Variants in LYST observed in about 807,000 individuals in gnomAD.
LYST encodes the protein lysosomal trafficking regulator, also known as lysosomal-trafficking regulator.
In LYST, 192 loss-of-function variants were observed where a neutral mutation model predicts 413.6. That is an observed-to-expected ratio of 0.46 (90% CI 0.41 to 0.52). LYST has a LOEUF of 0.52. Ranked by LOEUF, LYST falls within the 20% of genes least tolerant of loss-of-function variation. LYST has a pLI of 0.00. For missense variants in LYST, 3,815 were observed against 4,499.9 expected, an observed-to-expected ratio of 0.85 and a Z score of 4.35; for synonymous variants, 1,525 against 1,567.3, an observed-to-expected ratio of 0.97 and a Z score of 0.64.
chr1:235,838,004 A>C (rs1322643060), intron 1 of LYST, among the ~76,000 whole-genome samples: 3 of 152,238 alleles, frequency 2.0e-5, no homozygotes, highest in African/African-American at 4.8e-5. Context: ...AAAACGAAGA[A>C]GACCAACATA....
chr1:235,863,086 A>C (rs1369439626), intron 1 of LYST, among the ~76,000 whole-genome samples: 1 of 152,078 alleles, frequency 6.6e-6, no homozygotes, highest in East Asian at 1.9e-4. Context: ...ATAACATTTT[A>C]GGGCTTAAAA....
At chr1:235,692,071 G>A (rs935105296) in intron 47 of LYST, among the ~76,000 whole-genome samples, 5 of 149,684 alleles carry the variant, frequency 3.3e-5, no homozygotes, top group Non-Finnish European at 7.4e-5. Context: ...AGTGGCTCAC[G>A]CATGTAATCC....
In LYST at chr1:235,798,576, C is replaced by CTTA. The variant is rs1558261064; in HGVS notation, c.4006+1743_4006+1744insTAA. 7.7e-4 allele frequency among the ~76,000 whole-genome samples: 19 copies of CTTA among 24,546 alleles called. 1 individual carries two copies. Among genetic ancestry groups the CTTA allele is most frequent in the African/African-American group, 2.3e-3 (17 of 7,328 alleles). 16.1% of individuals were successfully genotyped at this position (24,546 alleles called of 152,430 possible). ...CTTGGCGACAAGGGCAAAACCCTGT[C>CTTA]ATAAAAAAAAAAAAAAAAAAAAAAA... On this transcript the variant is annotated intron_variant, in intron 10 of 52. Transcript: ENST00000389793.
intron 47 of LYST, among the ~76,000 whole-genome samples, chr1:235,688,214 T>A (rs1660365271): frequency 6.6e-6 from 1 of 152,234 alleles, no homozygotes; most frequent in Non-Finnish European, 1.5e-5. Flanking sequence ...CAACCTAAGT[T>A]ACATTACAAG....
At chr1:235,874,757 T>G (rs1383954798) in intron 1 of LYST, among the ~76,000 whole-genome samples, 1 of 152,208 alleles carries the variant, frequency 6.6e-6, no homozygotes, top group Non-Finnish European at 1.5e-5. Flanking sequence ...ACCAATCAGT[T>G]GACAATAAAG....
intron 46 of LYST, among the ~76,000 whole-genome samples, chr1:235,696,655 T>C (rs1286910527): frequency 6.6e-6 from 1 of 152,250 alleles, no homozygotes; most frequent in Admixed American, 6.5e-5. Context: ...AGAAAAGGAT[T>C]GGTTTTCAGG....
intron 1 of LYST, 71 bp downstream of exon 1, chr1:235,866,772 C>G (rs1468870355): frequency 6.6e-6 from 1 of 152,292 alleles, no homozygotes; most frequent in African/African-American, 2.4e-5. Context: ...CGCCTCCCCT[C>G]CAGGCCACGC....
intron 38 of LYST, among the ~76,000 whole-genome samples, chr1:235,726,462 G>A (rs1026993113): frequency 6.6e-6 from 1 of 151,862 alleles, no homozygotes; most frequent in Non-Finnish European, 1.5e-5. Context: ...ACATCTATGC[G>A]CAAGGTACTC....
chr1:235,753,346 G>C (rs556032723), intron 25 of LYST, 72 bp from the exon 26 acceptor site: 13 of 920,846 alleles, frequency 1.4e-5, no homozygotes, highest in Non-Finnish European at 2.3e-5. Flanking sequence ...AGCAACTATG[G>C]GTCATCTTGC....
rs111415763 is a variant in LYST at position 235,858,429 on chromosome 1, C to T, written c.-98+8414G>A. 9.8e-3 allele frequency among the ~76,000 whole-genome samples: 1,494 copies of T among 152,250 alleles called. 37 individuals carry two copies. Among genetic ancestry groups the T allele is most frequent in the African/African-American group, 0.032 (1,348 of 41,534 alleles). Reference sequence around the variant, plus strand: ...TTATAATTAGCACTATTAATCTTGGCTATCCACCCATCATTGGTCATTCTT... The same window carrying T: ...TTATAATTAGCACTATTAATCTTGGTTATCCACCCATCATTGGTCATTCTT... On this transcript the variant is annotated intron_variant, in intron 1 of 52. Transcript: ENST00000389793.
chr1:235,675,444 T>C (rs1057423982), intron 50 of LYST, among the ~76,000 whole-genome samples: 2 of 152,196 alleles, frequency 1.3e-5, no homozygotes, highest in African/African-American at 2.4e-5. Context: ...ATCTCCTTTT[T>C]TCGGTGTGCT....
chr1:235,738,925 A>T lies in LYST; in HGVS notation c.8358+2497T>A, dbSNP rs777445628. ...GTGAAGGTGACTCTGACTCCTGAGG[A>T]AGGGGCCCATTTGAAGAACAGTGCA... On this transcript the variant is annotated intron_variant, in intron 31 of 52. Coordinates refer to ENST00000389793, the MANE Select transcript of LYST (RefSeq NM_000081.4). 4 of 729,540 alleles carry T rather than the reference A, an allele frequency of 5.5e-6. No homozygotes were observed. In the Admixed American group the frequency reaches 7.1e-5, roughly 13 times the overall value. 45.2% of individuals were successfully genotyped at this position (729,540 alleles called of 1,614,324 possible).
chr1:235,796,013 TAAATA>T (rs1369627898), intron 10 of LYST, among the ~76,000 whole-genome samples: 3 of 151,420 alleles, frequency 2.0e-5, no homozygotes, highest in Non-Finnish European at 2.9e-5. Context: ...AATAAAAAAT[TAAATA>T]AAAGGTTGGG....
chr1:235,749,541 C>A (rs557251273), intron 28 of LYST, among the ~76,000 whole-genome samples: 9 of 152,126 alleles, frequency 5.9e-5, no homozygotes, highest in African/African-American at 2.2e-4. Context: ...CAGCAGTCCC[C>A]AGTTCTAGGA....
chr1:235,676,194 A>G (rs1659364262), intron 50 of LYST, among the ~76,000 whole-genome samples: 2 of 152,218 alleles, frequency 1.3e-5, no homozygotes, highest in Non-Finnish European at 2.9e-5. Flanking sequence ...CTATACTTCC[A>G]TTTACTATTC....
chr1:235,674,740 T>A lies in LYST; in HGVS notation c.11038+2351A>T, dbSNP rs1010728455. The stretch of plus-strand genomic sequence containing the variant: ...GGCGGGGTCTGTGTCATGATTGGAG[T>A]CCAATGTTGTACTTTTATCCCTAAC... On this transcript the variant is annotated intron_variant, in intron 50 of 52. Coordinates refer to ENST00000389793, the MANE Select transcript of LYST (RefSeq NM_000081.4). This position sits in a 1 kb window ranked among gnomAD's most constrained non-coding sequence, Gnocchi z 4.1. 7.9e-5 allele frequency among the ~76,000 whole-genome samples: 12 copies of A among 152,168 alleles called. No homozygotes were observed. The highest frequency in any genetic ancestry group is 2.6e-4 in the African/African-American group (11 of 41,510).
chr1:235,775,739 G>C (rs992763094), intron 17 of LYST, among the ~76,000 whole-genome samples: 1 of 152,042 alleles, frequency 6.6e-6, no homozygotes, highest in African/African-American at 2.4e-5. Context: ...GGGTGGCTAA[G>C]GCAGGGCACA....
At chr1:235,794,504 C>T (rs564906825) in intron 10 of LYST, among the ~76,000 whole-genome samples, 1 of 152,228 alleles carries the variant, frequency 6.6e-6, no homozygotes, top group East Asian at 1.9e-4. Flanking sequence ...AGTATTTTTA[C>T]ATGCTTTATT....
chr1:235,776,936 T>C (rs2103454505), intron 17 of LYST, 127 bp downstream of exon 17: 1 of 745,278 alleles, frequency 1.3e-6, no homozygotes, highest in South Asian at 1.8e-5. Context: ...AATATGTAAT[T>C]TTTTTATGTT....
Sources: allele counts gnomAD v4.1 joint callset (sites outside exome capture counted in the v4.1 genomes callset), GRCh38; gene constraint gnomAD v4.1.1; non-coding constraint Gnocchi (gnomAD v3.1); transcripts MANE v1.5; gene names NCBI Gene and HGNC (gene_info 2026-07-23, HGNC 2026-07-21).